Variants in NBPF15 observed in about 807,000 individuals in gnomAD.
NBPF15 encodes the protein NBPF member 15, also known as NBPF family member NBPF15.
NBPF15 carries 74 observed loss-of-function variants against 62.2 expected under a neutral mutation model. The observed-to-expected ratio is 1.19, with a 90% CI of 0.99 to 1.44. NBPF15 has a LOEUF of 1.44. Among genes scored for constraint, NBPF15 ranks in the 40% most tolerant of loss-of-function variants. NBPF15 has a pLI of 0.00. For missense variants in NBPF15, 790 were observed against 550.0 expected (o/e 1.44, Z -4.36); for synonymous variants, 244 against 209.7 (o/e 1.16, Z -1.41).
At chr1:144,451,958 C>A (rs1691439797) in intron 4 of NBPF15, among the ~76,000 whole-genome samples, 1 of 151,686 alleles carries the variant, frequency 6.6e-6, no homozygotes, top group Admixed American at 6.6e-5. Flanking sequence ...TAGAGACCAA[C>A]CTGGCCAACA....
chr1:144,430,893 A>G (rs1399790898), intron 13 of NBPF15, among the ~76,000 whole-genome samples: 1 of 152,074 alleles, frequency 6.6e-6, no homozygotes, highest in South Asian at 2.1e-4. Flanking sequence ...GACCTGATGG[A>G]GCTGAAAACC....
At chr1:144,433,101 C>A (rs1675695585) in intron 13 of NBPF15, among the ~76,000 whole-genome samples, 1 of 152,016 alleles carries the variant, frequency 6.6e-6, no homozygotes, top group Non-Finnish European at 1.5e-5. Context: ...TCACAACAAA[C>A]TGTCAGACCA....
At chr1:144,427,649 T>C (rs1333014869) in intron 16 of NBPF15, among the ~76,000 whole-genome samples, 169 bp downstream of exon 16, 1 of 145,944 alleles carries the variant, frequency 6.9e-6, no homozygotes, top group Non-Finnish European at 1.5e-5. Context: ...GATCCATCCC[T>C]TGTCTGGGCT....
chr1:144,429,190 C>T (rs1336355047), intron 14 of NBPF15, among the ~76,000 whole-genome samples: 1 of 151,134 alleles, frequency 6.6e-6, no homozygotes, highest in African/African-American at 2.5e-5. Flanking sequence ...GACAGATGAG[C>T]TAAAACAAGC....
Position 144,426,348 on chromosome 1 carries a change from T to A in NBPF15, c.1368A>T (p.Leu456Phe). ...AAACAGCACTGCTGTAGGGCTGGCCTAAGTCAGGCAGTTCAAGATAATCTG... is the reference window on the plus strand; with the variant it reads ...AAACAGCACTGCTGTAGGGCTGGCCAAAGTCAGGCAGTTCAAGATAATCTG... Reference protein sequence around the residue: ...TPSDYLELPDLGQPYSSAVYS... With the variant: ...TPSDYLELPDFGQPYSSAVYS... Residue 456 changes from leucine (L) to phenylalanine (F), a missense_variant, in exon 18 of 22, where the codon TTA becomes TTT. By Grantham distance (22) the Leu-to-Phe change is conservative (BLOSUM62 0). Transcript: ENST00000581897. 1.2e-6 allele frequency: 1 copy of A among 818,150 alleles called. No homozygotes were observed. The highest frequency in any genetic ancestry group is 1.7e-5 in the African/African-American group (1 of 58,294). The allele number at this position is 818,150 out of a possible 1,614,324, so 50.7% of individuals were successfully genotyped here.
intron 6 of NBPF15, among the ~76,000 whole-genome samples, chr1:144,441,920 C>T (rs1683165893): frequency 6.7e-6 from 1 of 148,186 alleles, no homozygotes; most frequent in Non-Finnish European, 1.5e-5. Context: ...TTAGAAGCGG[C>T]GGTGCGAGCA....
rs370406601 is a variant in NBPF15 at position 144,423,259 on chromosome 1, G to C, written c.1770-3C>G. 2.5e-6 allele frequency: 4 copies of C among 1,611,352 alleles called. No individual in the cohort carries two copies. Among genetic ancestry groups the C allele is most frequent in the Non-Finnish European group, 2.5e-6 (3 of 1,179,576 alleles). On this transcript the variant is annotated splice_region_variant and splice_polypyrimidine_tract_variant and intron_variant, in intron 21 of 21. Transcript: ENST00000581897. ...CTTCCATCAGCACGCCGTAGAGCCT[G>C]GAAAAGGAGACAAAACTAAAGAAGC...
At chr1:144,436,718 T>A (rs1273279003) in intron 10 of NBPF15, among the ~76,000 whole-genome samples, 177 bp downstream of exon 10, 1 of 152,002 alleles carries the variant, frequency 6.6e-6, no homozygotes, top group East Asian at 1.9e-4. Context: ...TACTGTGACC[T>A]CCAACCCCAT....
intron 6 of NBPF15, among the ~76,000 whole-genome samples, chr1:144,441,359 A>G (rs1302472255): frequency 6.6e-6 from 1 of 151,906 alleles, no homozygotes; most frequent in Non-Finnish European, 1.5e-5. Context: ...TTTAAACTAC[A>G]CCAGGTGTGT....
chr1:144,422,605 A>C lies in NBPF15; in HGVS notation c.*408T>G. ...AAACAAGCCAACACTGAAGACACAA[A>C]GAATGAGGTTAGGTTCATTGAAACC... On this transcript the variant is annotated 3_prime_UTR_variant, in exon 22 of 22. Transcript: ENST00000581897. The C allele has an allele frequency of 3.7e-6, 1 of 273,550 alleles. No homozygotes were observed. Among genetic ancestry groups the C allele is most frequent in the Non-Finnish European group, 6.6e-6 (1 of 152,002 alleles). 16.9% of individuals were successfully genotyped at this position (273,550 alleles called of 1,614,324 possible).
At position 144,435,131 on chromosome 1, in the gene NBPF15, T is replaced by C. The variant is rs1227390829; in HGVS notation, c.752A>G (p.Asp251Gly). The C allele has an allele frequency of 6.8e-6, 11 of 1,612,704 alleles. No homozygotes were observed. The highest frequency in any genetic ancestry group is 9.3e-6 in the Non-Finnish European group (11 of 1,179,752). ...IGSSSHVEWE[D>G]AVHIIPENES... ...GCTACCTGGAATAATGTGTACAGCA[T>C]CCTCCCATTCAACATGAGAGGATGA... The change falls in exon 12 of 22, where the codon GAT becomes GGT. Residue 251 changes from aspartate to glycine, a missense_variant. By Grantham distance (94) the Asp-to-Gly change is moderately conservative. Transcript: ENST00000581897.
intron 8 of NBPF15, among the ~76,000 whole-genome samples, chr1:144,438,669 T>C (rs1485967054): frequency 2.0e-5 from 3 of 152,084 alleles, no homozygotes; most frequent in Middle Eastern, 3.4e-3. Flanking sequence ...AGATAGTGTT[T>C]ACTGTGTGCC....
chr1:144,460,026 C>CTT (rs150839897), intron 2 of NBPF15, among the ~76,000 whole-genome samples: 413 of 19,576 alleles, frequency 0.021, 171 homozygotes, highest in East Asian at 0.098. Context: ...ATTACCTGTA[C>CTT]TTTTTTTTTT....
chr1:144,439,620 C>T lies in NBPF15; in HGVS notation c.175+209G>A, dbSNP rs1311685421. Among the ~76,000 whole-genome samples the T allele has an allele frequency of 2.9e-3, 445 of 152,072 alleles. 2 individuals are homozygous for T. The highest frequency in any genetic ancestry group is 0.01 in the African/African-American group (430 of 41,472). On this transcript the variant is annotated intron_variant, in intron 8 of 21. Transcript: ENST00000581897. ...ATAAATGGCAGTTTAACTCTAGTCC[C>T]ACCCCCACCTGATTGCAAACATGGA...
chr1:144,455,089 G>GAGGAAGGA (rs142085487), intron 4 of NBPF15, among the ~76,000 whole-genome samples: 5,103 of 139,960 alleles, frequency 0.036, 167 homozygotes, highest in Non-Finnish European at 0.054. Flanking sequence ...GGGAAGGAAG[G>GAGGAAGGA]AGGAAGGAAG....
In NBPF15 at chr1:144,423,196, T is replaced by A; in HGVS notation, c.1830A>T (p.Arg610Ser). ...AGTACATTGACGGAGTCGAATAACA[T>A]CTATCCAGTGAGTCCTGTAAGACTT... is the stretch of plus-strand genomic sequence containing the variant. ...EPEVLQDSLDRCYSTPSMYFE... is the reference protein window; with the variant it reads ...EPEVLQDSLDSCYSTPSMYFE... Residue 610 changes from arginine to serine, a missense_variant, in exon 22 of 22, where the codon AGA becomes AGT. Transcript: ENST00000581897. The A allele has an allele frequency of 6.2e-7, 1 of 1,611,560 alleles. No individual in the cohort carries two copies. Among genetic ancestry groups the A allele is most frequent in the Non-Finnish European group, 8.5e-7 (1 of 1,179,588 alleles).
chr1:144,460,449 G>GA (rs1218272487), intron 2 of NBPF15, among the ~76,000 whole-genome samples: 3 of 125,020 alleles, frequency 2.4e-5, no homozygotes, highest in Non-Finnish European at 5.0e-5. Context: ...TTTCACAACA[G>GA]AAAAAAAGAG....
At position 144,429,162 on chromosome 1, in the gene NBPF15, C is replaced by T. The variant is rs587636992; in HGVS notation, c.989-505G>A. On this transcript the variant is annotated intron_variant, in intron 14 of 21. Transcript: ENST00000581897. ...AAAAGTCAGCCGTTTATCTAGAAAA[C>T]GTACCAGGAACATGATGGACAGATG... Among the ~76,000 whole-genome samples the T allele has an allele frequency of 4.1e-3, 615 of 151,518 alleles. 6 individuals are homozygous for T. In the South Asian group the frequency reaches 0.041, roughly 10 times the overall value.
chr1:144,437,612 AGG>A (rs1230922510), intron 9 of NBPF15, among the ~76,000 whole-genome samples: 2 of 151,406 alleles, frequency 1.3e-5, no homozygotes, highest in Non-Finnish European at 2.9e-5. Context: ...ATTCTCACTA[AGG>A]GTAAGTGGGG....
Sources: gnomAD v4.1 joint callset for allele counts (sites outside exome capture counted in the v4.1 genomes callset) on GRCh38, gnomAD v4.1.1 for gene constraint, MANE v1.5 for transcripts, NCBI Gene and HGNC (gene_info 2026-07-23, HGNC 2026-07-21) for gene names.